ABL2: variants seen among roughly 807,000 people sequenced by gnomAD.
ABL2 encodes the protein ABL proto-oncogene 2, non-receptor tyrosine kinase, also known as tyrosine-protein kinase ABL2.
Under a neutral mutation model 107.7 loss-of-function variants are expected in ABL2, and 49 were observed. The ratio of observed to expected loss-of-function variants is 0.45; its 90% confidence interval spans 0.36 to 0.58. The LOEUF (loss-of-function observed/expected upper bound fraction) is 0.58. Ranked by LOEUF, ABL2 falls within the 20% of genes least tolerant of loss-of-function variation. The pLI is 0.00. For missense variants in ABL2, 1,245 were observed against 1,457.0 expected (o/e 0.85, Z 2.37); for synonymous variants, 549 against 548.6 (o/e 1.00, Z -0.01).
Position 179,108,192 on chromosome 1 carries a change from T to A in ABL2, c.3075A>T (p.Ala1025=). 6.2e-7 allele frequency: 1 copy of A among 1,614,224 alleles called. No homozygotes were observed. Among genetic ancestry groups the A allele is most frequent in the Non-Finnish European group, 8.5e-7 (1 of 1,180,048 alleles). The change falls in exon 12 of 12, where the codon GCA becomes GCT. Residue 1025 remains alanine, a synonymous_variant. Transcript: ENST00000502732. ...CACTGATGGGCACTGCGCCCAGAGC[T>A]GCCTTCTTTCCTCCTTCCTGTGTTT... is the stretch of plus-strand genomic sequence containing the variant. ...TSETQEGGKK[A]ALGAVPISGK...
In ABL2 at chr1:179,100,597, G is replaced by A. The variant is rs1003420963; in HGVS notation, c.*7121C>T. On this transcript the variant is annotated 3_prime_UTR_variant, in exon 12 of 12. Transcript: ENST00000502732. ...CCTTTCATAAAGCCTGCTAGCATTC[G>A]ACAGTTTGCCTCCAGCTTTTCTAAA... The A allele has an allele frequency of 2.6e-5, 6 of 228,828 alleles. No homozygotes were observed. The highest frequency in any genetic ancestry group is 4.3e-5 in the Non-Finnish European group (5 of 115,428). 14.2% of individuals were successfully genotyped at this position (228,828 alleles called of 1,614,324 possible). A position where few individuals can be genotyped will look rare whatever the true frequency, so the allele number is the denominator to read the frequency against.
At chr1:179,131,510 C>G (rs1656327467) in intron 2 of ABL2, 29 bp from the exon 3 acceptor site, 1 of 1,608,336 alleles carries the variant, frequency 6.2e-7, no homozygotes, top group African/African-American at 1.3e-5. Flanking sequence ...GAAGGGAATT[C>G]ACGGTGAGTT....
intron 1 of ABL2, among the ~76,000 whole-genome samples, chr1:179,214,604 T>C (rs1662462757): frequency 6.7e-6 from 1 of 148,708 alleles, no homozygotes; most frequent in East Asian, 2.0e-4. Flanking sequence ...TGATGGACTA[T>C]TCACAAATTA....
intron 11 of ABL2, 127 bp from the exon 12 acceptor site, chr1:179,109,568 G>T: frequency 7.2e-7 from 1 of 1,380,256 alleles, no homozygotes; most frequent in Non-Finnish European, 9.6e-7. Context: ...GGACTCAGAA[G>T]CAAATAATAA....
rs543746415 is a variant in ABL2, at chr1:179,126,236, C to T, written c.687+141G>A. ...TTTCAAGAGTACAAGCTCTAACATG[C>T]CAAAAAGCCCAAACTCACAAAGCTA... On this transcript the variant is annotated intron_variant, in intron 4 of 11. Coordinates refer to ENST00000502732, the MANE Select transcript of ABL2 (RefSeq NM_007314.4). This position sits in a 1 kb window ranked among gnomAD's most constrained non-coding sequence, Gnocchi z 4.4. The T allele has an allele frequency of 3.0e-5, 29 of 976,842 alleles. No homozygotes were observed. The African/African-American group carries it at 4.4e-4, about 15-fold the overall frequency. The allele number at this position is 976,842 out of a possible 1,614,324, so 60.5% of individuals were successfully genotyped here.
At chr1:179,187,669 GTTCA>G (rs1172375477) in intron 1 of ABL2, among the ~76,000 whole-genome samples, 3 of 152,108 alleles carry the variant, frequency 2.0e-5, no homozygotes, top group Non-Finnish European at 4.4e-5. Flanking sequence ...AAATATAAAT[GTTCA>G]TTATGAATTC....
At chr1:179,154,187 C>T (rs1658542993) in intron 1 of ABL2, among the ~76,000 whole-genome samples, 1 of 152,152 alleles carries the variant, frequency 6.6e-6, no homozygotes, top group African/African-American at 2.4e-5. Context: ...AACCAACTGC[C>T]CAAAAGTATA....
chr1:179,110,636 A>G (rs1347157363), intron 10 of ABL2, 181 bp from the exon 11 acceptor site: 2 of 1,529,280 alleles, frequency 1.3e-6, no homozygotes, highest in African/African-American at 2.7e-5. Flanking sequence ...ATGTGTGTAG[A>G]TTCGTCCACG....
chr1:179,128,085 A>T (rs1055399742), intron 3 of ABL2, among the ~76,000 whole-genome samples: 4 of 151,778 alleles, frequency 2.6e-5, no homozygotes, highest in African/African-American at 7.3e-5. Context: ...TTTTTAGGAG[A>T]ACTAAAAATA....
intron 1 of ABL2, among the ~76,000 whole-genome samples, chr1:179,160,071 G>A (rs559333454): frequency 4.6e-5 from 7 of 152,164 alleles, no homozygotes; most frequent in African/African-American, 9.6e-5. Context: ...CCAAGATGGC[G>A]CCACTGCACG....
At position 179,126,355 on chromosome 1, in the gene ABL2, G is replaced by C; in HGVS notation, c.687+22C>G. The C allele has an allele frequency of 6.2e-7, 1 of 1,603,084 alleles. No individual in the cohort carries two copies. Among genetic ancestry groups the C allele is most frequent in the African/African-American group, 1.3e-5 (1 of 74,872 alleles). On this transcript the variant is annotated intron_variant, in intron 4 of 11. Transcript: ENST00000502732. The surrounding 1 kb of genome is among the most constrained non-coding windows in gnomAD (Gnocchi z 4.4). ...ACAGAGTAGCCAGTCCATGCTTAAA[G>C]GTGGTGACCAGGGAGTCTTACCTTG...
chr1:179,156,566 C>CAT (rs1173215419), intron 1 of ABL2, among the ~76,000 whole-genome samples: 2 of 152,126 alleles, frequency 1.3e-5, no homozygotes, highest in Non-Finnish European at 2.9e-5. Flanking sequence ...TTTTTCATTA[C>CAT]ATACCTTAGT....
At chr1:179,157,707 C>CT (rs11411364) in intron 1 of ABL2, among the ~76,000 whole-genome samples, 36,120 of 142,620 alleles carry the variant, frequency 0.25, 4,869 homozygotes, top group East Asian at 0.37. Flanking sequence ...ATTACAGAAT[C>CT]TTTTTTTTTT....
chr1:179,225,052 G>A (rs940233847), intron 1 of ABL2, among the ~76,000 whole-genome samples: 2 of 151,702 alleles, frequency 1.3e-5, no homozygotes, highest in African/African-American at 4.8e-5. Flanking sequence ...TAAAAGAGTT[G>A]ACAAAAAAAA....
chr1:179,176,702 C>CTTTTTTTTTTT (rs35138436), intron 1 of ABL2, among the ~76,000 whole-genome samples: 7,623 of 107,054 alleles, frequency 0.071, 537 homozygotes, highest in Non-Finnish European at 0.092. Flanking sequence ...GTTACATATT[C>CTTTTTTTTTTT]TTTTTTTTTT....
intron 1 of ABL2, chr1:179,221,809 C>A (rs1031542754): frequency 9.6e-5 from 20 of 208,382 alleles, no homozygotes; most frequent in African/African-American, 4.5e-4. Context: ...AAAAAAAAAA[C>A]GTATTTCATA....
intron 1 of ABL2, among the ~76,000 whole-genome samples, chr1:179,181,560 T>C (rs568382228): frequency 4.6e-5 from 7 of 152,310 alleles, no homozygotes; most frequent in Admixed American, 4.6e-4. Context: ...ATCTATATCA[T>C]GGTGCTGCTG....
At chr1:179,206,804 A>T (rs886260211) in intron 1 of ABL2, among the ~76,000 whole-genome samples, 8 of 152,348 alleles carry the variant, frequency 5.3e-5, no homozygotes, top group African/African-American at 1.9e-4. Context: ...TTTTTTTAAA[A>T]AACTCAGCCA....
At chr1:179,166,507 G>A (rs1299460312) in intron 1 of ABL2, among the ~76,000 whole-genome samples, 15 of 152,056 alleles carry the variant, frequency 9.9e-5, no homozygotes, top group African/African-American at 2.9e-4. Context: ...GGCAGGGCGC[G>A]GTGGCTCACG....
Sources: gnomAD v4.1 joint callset for allele counts (sites outside exome capture counted in the v4.1 genomes callset) on GRCh38, gnomAD v4.1.1 for gene constraint, Gnocchi (gnomAD v3.1) non-coding constraint, MANE v1.5 for transcripts, NCBI Gene and HGNC (gene_info 2026-07-23, HGNC 2026-07-21) for gene names.